Variants in LRSAM1 observed in about 807,000 individuals in gnomAD.
The protein encoded by LRSAM1 is E3 ubiquitin-protein ligase LRSAM1.
In LRSAM1, 96 loss-of-function variants were observed where a neutral mutation model predicts 118.1. The ratio of observed to expected loss-of-function variants is 0.81; its 90% CI spans 0.69 to 0.96. The LOEUF (loss-of-function observed/expected upper bound fraction) is 0.96, where lower values mean the gene tolerates loss of function less well. Ranked by LOEUF, LRSAM1 falls within the 40% of genes least tolerant of loss-of-function variation. The pLI is 0.00. For missense variants in LRSAM1, 804 were observed against 915.5 expected, an observed-to-expected ratio of 0.88 and a Z score of 1.57; for synonymous variants, 322 against 364.2, an observed-to-expected ratio of 0.88 and a Z score of 1.32.
At position 127,491,303 on chromosome 9, in the gene LRSAM1, G is replaced by C. The variant is rs761964249; in HGVS notation, c.1503+8G>C. On this transcript the variant is annotated splice_region_variant and intron_variant, in intron 20 of 25. Coordinates refer to ENST00000300417, the MANE Select transcript of LRSAM1 (RefSeq NM_001005373.4). ...GACACAGAGTCACTCCAGGTATGTAGGGCTCCCTGCCCCTGCCCTCCTTCA... is the reference window on the plus strand; with the variant it reads ...GACACAGAGTCACTCCAGGTATGTACGGCTCCCTGCCCCTGCCCTCCTTCA... The C allele has an allele frequency of 3.1e-6, 5 of 1,611,440 alleles. No homozygotes were observed. Among genetic ancestry groups the C allele is most frequent in the Admixed American group, 1.7e-5 (1 of 59,990 alleles).
rs60750457 is a variant in LRSAM1 at position 127,466,497 on chromosome 9, TA to T, written c.529-1242del. ...AATCATATATATATATATATATATA[TA>T]TATATATTTTTTTTTTTTTTTTTTT... On this transcript the variant is annotated intron_variant, in intron 9 of 25. Coordinates refer to ENST00000300417, the MANE Select transcript of LRSAM1 (RefSeq NM_001005373.4). 9.4e-3 allele frequency among the ~76,000 whole-genome samples: 278 copies of T among 29,634 alleles called. 5 individuals carry two copies. The highest frequency in any genetic ancestry group is 0.012 in the Non-Finnish European group (204 of 17,548). The allele number at this position is 29,634 out of a possible 152,430, so 19.4% of individuals were successfully genotyped here.
intron 5 of LRSAM1, among the ~76,000 whole-genome samples, chr9:127,456,773 G>C (rs982548281): frequency 5.9e-5 from 9 of 151,974 alleles, no homozygotes; most frequent in Admixed American, 1.3e-4. Context: ...GGGCGAGACA[G>C]GAGAATTGCT....
chr9:127,462,979 T>C (rs1834804740), intron 9 of LRSAM1, among the ~76,000 whole-genome samples: 1 of 151,854 alleles, frequency 6.6e-6, no homozygotes, highest in South Asian at 2.1e-4. Context: ...GTGGATCACT[T>C]GAGGTTAGGA....
chr9:127,469,514 A>G (rs1835084994), intron 10 of LRSAM1, among the ~76,000 whole-genome samples: 1 of 152,046 alleles, frequency 6.6e-6, no homozygotes, highest in South Asian at 2.1e-4. Context: ...AGCAAACAGT[A>G]TCTGAAAAAA....
chr9:127,483,782 G>A (rs1404904210), intron 16 of LRSAM1, among the ~76,000 whole-genome samples: 1 of 152,128 alleles, frequency 6.6e-6, no homozygotes, highest in Admixed American at 6.6e-5. Context: ...TCCTGCCTCA[G>A]CCTCCGAGTA....
At chr9:127,478,171 A>C (rs550346445) in intron 11 of LRSAM1, among the ~76,000 whole-genome samples, 2 of 152,340 alleles carry the variant, frequency 1.3e-5, no homozygotes, top group Non-Finnish European at 2.9e-5. Context: ...ATTGATGTTT[A>C]ATACCTGCTC....
chr9:127,467,938 C>T lies in LRSAM1; in HGVS notation c.619+108C>T, dbSNP rs980570870. On this transcript the variant is annotated intron_variant, in intron 10 of 25. Transcript: ENST00000300417. ...AGCAGAGACAGAAATGGCCACAGTGCCTACCTGCTTGGAGTTCGAGGTCTG... is the reference window on the plus strand; with the variant it reads ...AGCAGAGACAGAAATGGCCACAGTGTCTACCTGCTTGGAGTTCGAGGTCTG... 5 of 1,090,622 alleles carry T rather than the reference C, an allele frequency of 4.6e-6. No homozygotes were observed. The African/African-American group carries it at 7.8e-5, about 17-fold the overall frequency. The allele number at this position is 1,090,622 out of a possible 1,614,324, so 67.6% of individuals were successfully genotyped here.
At chr9:127,459,171 C>T (rs984558570) in intron 7 of LRSAM1, 100 bp downstream of exon 7, 36 of 1,193,472 alleles carry the variant, frequency 3.0e-5, no homozygotes, top group Non-Finnish European at 4.2e-5. Flanking sequence ...CCAGTGGAAG[C>T]AGGCTGCAAT....
At chr9:127,481,900 C>G (rs1222167516) in intron 15 of LRSAM1, among the ~76,000 whole-genome samples, 2 of 150,536 alleles carry the variant, frequency 1.3e-5, no homozygotes, top group Non-Finnish European at 3.0e-5. Flanking sequence ...TACTAAAAAT[C>G]AAAACTTAGC....
rs1384734425 is a variant in LRSAM1 at position 127,451,995 on chromosome 9, A to T, written c.-122A>T. The T allele has an allele frequency of 6.6e-6, 1 of 152,208 alleles. No individual in the cohort carries two copies. Among genetic ancestry groups the T allele is most frequent in the Non-Finnish European group, 1.5e-5 (1 of 68,064 alleles). The allele number at this position is 152,208 out of a possible 1,614,324, so 9.4% of individuals were successfully genotyped here. ...CCGTGCCGGGTGGTCTGCGGCCCCG[A>T]GTCCGTGACCAAGCCCTCCGAGTGA... On this transcript the variant is annotated 5_prime_UTR_variant, in exon 2 of 26. Transcript: ENST00000300417.
At position 127,486,214 on chromosome 9, in the gene LRSAM1, C is replaced by T. The variant is rs146267033; in HGVS notation, c.1259+379C>T. Among the ~76,000 whole-genome samples the T allele has an allele frequency of 3.5e-4, 54 of 152,316 alleles. No individual in the cohort carries two copies. The East Asian group carries it at 7.3e-3, about 21-fold the overall frequency. On this transcript the variant is annotated intron_variant, in intron 17 of 25. Transcript: ENST00000300417. ...CCCAAGGAAGCAAGCCAGCAGGTGG[C>T]GGAGCCAGGATTTGAGCCCGGCAGA... is the stretch of plus-strand genomic sequence containing the variant.
At chr9:127,483,706 C>T (rs1835622530) in intron 16 of LRSAM1, among the ~76,000 whole-genome samples, 1 of 152,174 alleles carries the variant, frequency 6.6e-6, no homozygotes, top group Admixed American at 6.6e-5. Context: ...CTCTGTTGCT[C>T]AGGCTGGAGT....
chr9:127,455,614 GA>G lies in LRSAM1; in HGVS notation c.170del (p.Lys57ArgfsTer4). Reference protein sequence around the residue: ...GAFATCKVLQKKVLIVHTNHL... With the variant: ...GAFATCKVLQXKVLIVHTNHL... ...CTTTTGCAACATGCAAAGTTCTGCA[GA>G]AGAAGGTAAGATGGAGCTTCATCTT... On this transcript the variant is annotated frameshift_variant, in exon 5 of 26. Coordinates refer to ENST00000300417, the MANE Select transcript of LRSAM1 (RefSeq NM_001005373.4). LOFTEE classifies it high-confidence loss of function. 1 of 1,613,760 alleles carries G rather than the reference GA, an allele frequency of 6.2e-7. No homozygotes were observed. Among genetic ancestry groups the G allele is most frequent in the Non-Finnish European group, 8.5e-7 (1 of 1,180,018 alleles).
Position 127,479,405 on chromosome 9 carries a change from T to G in LRSAM1, c.803T>G (p.Leu268Arg), listed in dbSNP as rs1287157389. The G allele has an allele frequency of 6.2e-7, 1 of 1,613,926 alleles. No individual in the cohort carries two copies. Among genetic ancestry groups the G allele is most frequent in the East Asian group, 2.2e-5 (1 of 44,884 alleles). Residue 268 changes from leucine (L) to arginine (R), a missense_variant, in exon 13 of 26, where the codon CTC becomes CGC. Leu to Arg is a moderately radical substitution (Grantham distance 102, BLOSUM62 -2). Coordinates refer to ENST00000300417, the MANE Select transcript of LRSAM1 (RefSeq NM_001005373.4). ...KRKEQKMLEK[L>R]EFERRLELGQ... ...CAGGAACAGAAGATGCTGGAGAAAC[T>G]CGAGTTTGAACGGCGCCTGGAACTG...
Position 127,485,930 on chromosome 9 carries a change from C to T in LRSAM1, c.1259+95C>T, listed in dbSNP as rs1236510815. ...TGAGAGCTGGGCACTAAACCTCCCG[C>T]CCTGGGCCACCCCAGCCTCTGCTCT... On this transcript the variant is annotated intron_variant, in intron 17 of 25. Coordinates refer to ENST00000300417, the MANE Select transcript of LRSAM1 (RefSeq NM_001005373.4). 10 of 1,129,750 alleles carry T rather than the reference C, an allele frequency of 8.9e-6. No individual in the cohort carries two copies. In the East Asian group the frequency reaches 1.7e-4, roughly 20 times the overall value. The allele number at this position is 1,129,750 out of a possible 1,614,324, so 70.0% of individuals were successfully genotyped here.
chr9:127,494,414 G>T (rs528068464), intron 21 of LRSAM1, among the ~76,000 whole-genome samples: 3 of 152,332 alleles, frequency 2.0e-5, no homozygotes, highest in Non-Finnish European at 4.4e-5. Context: ...CCCTGGGCAG[G>T]TTACTCATCA....
intron 6 of LRSAM1, among the ~76,000 whole-genome samples, chr9:127,457,748 T>C (rs1183401211): frequency 6.6e-6 from 1 of 152,064 alleles, no homozygotes; most frequent in Non-Finnish European, 1.5e-5. Context: ...GACTGTGAGC[T>C]CCTCCCCGGA....
chr9:127,473,447 A>G (rs111920763), intron 10 of LRSAM1, among the ~76,000 whole-genome samples: 3 of 152,358 alleles, frequency 2.0e-5, no homozygotes, highest in Admixed American at 6.5e-5. Flanking sequence ...CCAGAGAAGG[A>G]AAGCATCTTG....
intron 21 of LRSAM1, among the ~76,000 whole-genome samples, chr9:127,494,259 G>A (rs942650496): frequency 7.9e-5 from 12 of 152,246 alleles, no homozygotes; most frequent in South Asian, 2.1e-4. Flanking sequence ...GGAGGGGCCC[G>A]CAAAGGGCAG....
Sources: allele counts gnomAD v4.1 joint callset (sites outside exome capture counted in the v4.1 genomes callset), GRCh38; gene constraint gnomAD v4.1.1; transcripts MANE v1.5; gene names NCBI Gene and HGNC (gene_info 2026-07-23, HGNC 2026-07-21).